Variants in GALNTL6 observed in about 807,000 individuals in gnomAD.
GALNTL6 encodes polypeptide N-acetylgalactosaminyltransferase like 6.
A neutral mutation model predicts 73.7 loss-of-function variants in GALNTL6; 46 were observed. That is an observed-to-expected ratio of 0.62 (90% confidence interval 0.49 to 0.80). The LOEUF is 0.80. GALNTL6 is among the 30% of genes least tolerant of loss of function. GALNTL6 has a pLI of 0.00. For synonymous variants in GALNTL6, 259 were observed against 263.7 expected, an observed-to-expected ratio of 0.98 and a Z score of 0.17; for missense variants, 604 against 755.0, an observed-to-expected ratio of 0.80 and a Z score of 2.34.
chr4:172,260,997 TGGTTAGCTAATAGCTG>T (rs998782378), intron 3 of GALNTL6, among the ~76,000 whole-genome samples: 1 of 151,538 alleles, frequency 6.6e-6, no homozygotes, highest in Non-Finnish European at 1.5e-5. Flanking sequence ...CTATTGGATT[TGGTTAGCTAATAGCTG>T]GTTGAGGATT....
intron 3 of GALNTL6, among the ~76,000 whole-genome samples, chr4:172,295,542 T>G (rs1200160811): frequency 2.1e-5 from 3 of 144,808 alleles, no homozygotes; most frequent in African/African-American, 5.1e-5. Flanking sequence ...TTTTTTTTTT[T>G]TTTTTTTTTT....
chr4:171,899,799 T>C (rs996530778), intron 2 of GALNTL6, among the ~76,000 whole-genome samples: 1 of 152,186 alleles, frequency 6.6e-6, no homozygotes, highest in Admixed American at 6.5e-5. Flanking sequence ...AAAAACCATT[T>C]CACTTATTGC....
At chr4:173,036,763 G>A (rs1396994224) in intron 12 of GALNTL6, among the ~76,000 whole-genome samples, 2 of 152,172 alleles carry the variant, frequency 1.3e-5, no homozygotes, top group Non-Finnish European at 2.9e-5. Flanking sequence ...AGCACAGAAA[G>A]GACATCTTCT....
chr4:173,031,867 T>C (rs1347258551), intron 12 of GALNTL6, among the ~76,000 whole-genome samples: 2 of 152,078 alleles, frequency 1.3e-5, no homozygotes, highest in African/African-American at 4.8e-5. Context: ...CAGGATAATA[T>C]GAGAACACAA....
chr4:171,982,743 A>G (rs533216549), intron 2 of GALNTL6, among the ~76,000 whole-genome samples: 2 of 152,318 alleles, frequency 1.3e-5, no homozygotes, highest in Admixed American at 1.3e-4. Context: ...TCATAAAACT[A>G]ACATACATCT....
intron 8 of GALNTL6, among the ~76,000 whole-genome samples, chr4:172,922,523 A>C (rs34802234): frequency 0.049 from 7,503 of 152,276 alleles, 282 homozygotes; most frequent in Non-Finnish European, 0.077. Flanking sequence ...AAAAAAAAAT[A>C]AAGTAGTGCA....
At chr4:171,904,535 G>A (rs1737211899) in intron 2 of GALNTL6, among the ~76,000 whole-genome samples, 1 of 152,220 alleles carries the variant, frequency 6.6e-6, no homozygotes, top group Admixed American at 6.5e-5. Flanking sequence ...ACATGAAAGT[G>A]ACGGGGAGAA....
chr4:172,950,610 G>A (rs1239928875), intron 9 of GALNTL6, among the ~76,000 whole-genome samples: 2 of 152,180 alleles, frequency 1.3e-5, no homozygotes, highest in South Asian at 2.1e-4. Flanking sequence ...AAAATGTACA[G>A]TCTCATTAGG....
At chr4:172,448,127 C>G (rs1437055581) in intron 5 of GALNTL6, among the ~76,000 whole-genome samples, 2 of 152,008 alleles carry the variant, frequency 1.3e-5, no homozygotes, top group Non-Finnish European at 2.9e-5. Flanking sequence ...TAGGGACAAT[C>G]AGGAATAGAG....
chr4:173,015,128 G>A (rs891053211), intron 11 of GALNTL6, among the ~76,000 whole-genome samples: 1 of 152,190 alleles, frequency 6.6e-6, no homozygotes, highest in Non-Finnish European at 1.5e-5. Context: ...TGCCATGATT[G>A]TAAGTTTCCT....
At chr4:171,925,475 A>G (rs1041513088) in intron 2 of GALNTL6, among the ~76,000 whole-genome samples, 2 of 152,208 alleles carry the variant, frequency 1.3e-5, no homozygotes, top group Non-Finnish European at 2.9e-5. Flanking sequence ...GTGGTGATTC[A>G]TTACACTTAG....
intron 5 of GALNTL6, among the ~76,000 whole-genome samples, chr4:172,490,097 G>C (rs1733843041): frequency 6.6e-6 from 1 of 152,142 alleles, no homozygotes. Context: ...CTCTGCAGGA[G>C]TCTTGCCTCA....
chr4:172,524,928 T>C (rs1342840902), intron 5 of GALNTL6, among the ~76,000 whole-genome samples: 1 of 152,222 alleles, frequency 6.6e-6, no homozygotes, highest in Non-Finnish European at 1.5e-5. Context: ...CTTACATATT[T>C]ATATCCACTA....
At chr4:172,980,084 C>T (rs1487280484) in intron 10 of GALNTL6, among the ~76,000 whole-genome samples, 2 of 152,140 alleles carry the variant, frequency 1.3e-5, no homozygotes, top group Admixed American at 1.3e-4. Flanking sequence ...ATTGTGTTTA[C>T]ACAGAGGCCG....
At chr4:172,162,039 G>A (rs766919686) in intron 2 of GALNTL6, among the ~76,000 whole-genome samples, 3 of 152,118 alleles carry the variant, frequency 2.0e-5, no homozygotes, top group Non-Finnish European at 2.9e-5. Context: ...GAGCATCAAC[G>A]AAGTCGTACA....
chr4:172,177,719 A>ATG (rs1253981153), intron 2 of GALNTL6, among the ~76,000 whole-genome samples: 2 of 149,196 alleles, frequency 1.3e-5, no homozygotes, highest in Admixed American at 6.7e-5. Context: ...TTTACTTAGT[A>ATG]TGTGTGTATA....
intron 2 of GALNTL6, among the ~76,000 whole-genome samples, chr4:171,955,698 T>G (rs1739022565): frequency 6.6e-6 from 1 of 152,058 alleles, no homozygotes; most frequent in Admixed American, 6.6e-5. Flanking sequence ...TAAAATATAT[T>G]TTTATCAATA....
chr4:172,225,203 C>T (rs1176776702), intron 2 of GALNTL6, among the ~76,000 whole-genome samples: 1 of 151,932 alleles, frequency 6.6e-6, no homozygotes, highest in Non-Finnish European at 1.5e-5. Flanking sequence ...GGTCTGGGCG[C>T]TGGAGATTGC....
intron 5 of GALNTL6, among the ~76,000 whole-genome samples, chr4:172,462,971 T>C (rs772896332): frequency 2.6e-5 from 4 of 152,320 alleles, no homozygotes; most frequent in Non-Finnish European, 2.9e-5. Context: ...GTCTGTGTCA[T>C]ATCCACAAAA....
Sources: gnomAD v4.1 joint callset for allele counts (sites outside exome capture counted in the v4.1 genomes callset) on GRCh38, gnomAD v4.1.1 for gene constraint, MANE v1.5 for transcripts, NCBI Gene and HGNC (gene_info 2026-07-23, HGNC 2026-07-21) for gene names.